Variants in PIP5K1B observed in about 807,000 individuals in gnomAD.
The protein encoded by PIP5K1B is phosphatidylinositol-4-phosphate 5-kinase type 1 beta.
In PIP5K1B, 42 loss-of-function variants were observed where a neutral mutation model predicts 67.0. The ratio of observed to expected loss-of-function variants is 0.63; its 90% CI spans 0.49 to 0.81. The LOEUF is 0.81. Ranked by LOEUF, PIP5K1B falls within the 30% of genes least tolerant of loss-of-function variation. The pLI is 0.00. For synonymous variants in PIP5K1B, 214 were observed against 231.4 expected, an observed-to-expected ratio of 0.92 and a Z score of 0.68; for missense variants, 459 against 646.3, an observed-to-expected ratio of 0.71 and a Z score of 3.14.
chr9:68,714,924 A>G (rs1827561974), intron 1 of PIP5K1B, among the ~76,000 whole-genome samples: 1 of 152,158 alleles, frequency 6.6e-6, no homozygotes, highest in Admixed American at 6.5e-5. Flanking sequence ...CTACTTCCAC[A>G]GTTGCTTATA....
chr9:68,771,014 T>C (rs1009655672), intron 2 of PIP5K1B, among the ~76,000 whole-genome samples: 1 of 152,200 alleles, frequency 6.6e-6, no homozygotes, highest in South Asian at 2.1e-4. Flanking sequence ...TGGTTACTCT[T>C]TCATAGAGAA....
intron 15 of PIP5K1B, among the ~76,000 whole-genome samples, chr9:68,996,789 C>G (rs749048725): frequency 1.3e-5 from 2 of 152,118 alleles, no homozygotes; most frequent in Non-Finnish European, 2.9e-5. Context: ...CTGGGAATGG[C>G]TGGGTAAGTG....
At chr9:68,938,261 G>A (rs1226432345) in intron 13 of PIP5K1B, among the ~76,000 whole-genome samples, 2 of 152,168 alleles carry the variant, frequency 1.3e-5, no homozygotes, top group East Asian at 3.8e-4. Flanking sequence ...CTCAGAACTT[G>A]CTTTATGAAT....
At position 68,793,031 on chromosome 9, in the gene PIP5K1B, A is replaced by AT. The variant is rs1425212976; in HGVS notation, c.-85-25429dup. Among the ~76,000 whole-genome samples the AT allele has an allele frequency of 2.9e-5, 3 of 102,184 alleles. No individual in the cohort carries two copies. In the Admixed American group the frequency reaches 3.4e-4, roughly 12 times the overall value. 67.0% of individuals were successfully genotyped at this position (102,184 alleles called of 152,430 possible). On this transcript the variant is annotated intron_variant, in intron 2 of 15. Transcript: ENST00000265382. ...GGTAGAAGGAGGGGCAGTAACAAAC[A>AT]TAAAAAATAAGTAAATTACTATGTA...
chr9:68,860,446 A>G (rs950553433), intron 4 of PIP5K1B, among the ~76,000 whole-genome samples: 5 of 152,214 alleles, frequency 3.3e-5, no homozygotes, highest in African/African-American at 1.2e-4. Flanking sequence ...AGCTTTACCA[A>G]GAAGTTTACA....
rs1215701394 is a variant in PIP5K1B, at chr9:68,970,988, G to A, written c.1503-20152G>A. ...AAGAACAGCGATTTTTATTATTTAT[G>A]TATTTATTTATTGATTTATTTATTT... On this transcript the variant is annotated intron_variant, in intron 14 of 15. Coordinates refer to ENST00000265382, the MANE Select transcript of PIP5K1B (RefSeq NM_003558.4). Among the ~76,000 whole-genome samples, 10 of 152,074 alleles carry A rather than the reference G, an allele frequency of 6.6e-5. No individual in the cohort carries two copies. In the East Asian group the frequency reaches 7.7e-4, roughly 12 times the overall value.
intron 2 of PIP5K1B, among the ~76,000 whole-genome samples, chr9:68,745,140 C>G (rs541656551): frequency 1.5e-3 from 231 of 152,334 alleles, no homozygotes; most frequent in African/African-American, 5.4e-3. Flanking sequence ...GGTCACAGTG[C>G]CTTCCACATC....
chr9:68,979,354 C>T (rs1829781600), intron 14 of PIP5K1B, among the ~76,000 whole-genome samples: 1 of 152,190 alleles, frequency 6.6e-6, no homozygotes, highest in Non-Finnish European at 1.5e-5. Flanking sequence ...GTAATACAGT[C>T]ATCACAGTAT....
rs189860834 is a variant in PIP5K1B at position 68,731,165 on chromosome 9, C to G, written c.-242-11336C>G. 1.1e-3 allele frequency among the ~76,000 whole-genome samples: 169 copies of G among 152,318 alleles called. 6 individuals are homozygous for G. Among genetic ancestry groups the G allele is most frequent in the Non-Finnish European group, 1.1e-3 (72 of 68,034 alleles). ...CTGCTTCAGAATCTTAGAGGCTGTT[C>G]TAGAACGCTTGATGTCTAAAGCTTG... On this transcript the variant is annotated intron_variant, in intron 1 of 15. Transcript: ENST00000265382.
At chr9:68,902,101 C>T (rs1825393121) in intron 8 of PIP5K1B, among the ~76,000 whole-genome samples, 1 of 152,146 alleles carries the variant, frequency 6.6e-6, no homozygotes. Context: ...TGACGTTTTT[C>T]AGCTTTTTTC....
chr9:68,917,008 G>T (rs1196697443), intron 8 of PIP5K1B, among the ~76,000 whole-genome samples: 1 of 152,184 alleles, frequency 6.6e-6, no homozygotes, highest in East Asian at 1.9e-4. Flanking sequence ...TGCTGAGGAA[G>T]ATACAAGCGT....
intron 14 of PIP5K1B, among the ~76,000 whole-genome samples, chr9:68,971,359 G>A (rs1829358311): frequency 6.6e-6 from 1 of 152,162 alleles, no homozygotes; most frequent in Admixed American, 6.5e-5. Context: ...ATTCCATGGT[G>A]TATATGTACC....
intron 14 of PIP5K1B, among the ~76,000 whole-genome samples, chr9:68,952,965 A>G (rs569636836): frequency 6.6e-6 from 1 of 151,718 alleles, no homozygotes; most frequent in Non-Finnish European, 1.5e-5. Context: ...GTGCAGGTCT[A>G]TTTTCAGCCA....
At chr9:68,877,036 G>A (rs947187317) in intron 6 of PIP5K1B, among the ~76,000 whole-genome samples, 1 of 152,154 alleles carries the variant, frequency 6.6e-6, no homozygotes, top group African/African-American at 2.4e-5. Flanking sequence ...AATATCAGTT[G>A]TGACTTCAGA....
At chr9:68,959,321 T>C (rs1021205733) in intron 14 of PIP5K1B, among the ~76,000 whole-genome samples, 5 of 152,208 alleles carry the variant, frequency 3.3e-5, no homozygotes, top group Admixed American at 6.5e-5. Context: ...TTTTACATTA[T>C]ACATATTTCT....
chr9:68,921,408 G>T (rs1402773919), intron 11 of PIP5K1B, among the ~76,000 whole-genome samples: 1 of 152,118 alleles, frequency 6.6e-6, no homozygotes, highest in East Asian at 1.9e-4. Context: ...TTTCCTTCCA[G>T]CTGAGAAAGG....
chr9:68,923,324 C>G lies in PIP5K1B; in HGVS notation c.1139C>G (p.Pro380Arg). 1.2e-6 allele frequency: 2 copies of G among 1,602,210 alleles called. No individual in the cohort carries two copies. The highest frequency in any genetic ancestry group is 1.7e-6 in the Non-Finnish European group (2 of 1,172,522). The change falls in exon 12 of 16, where the codon CCA becomes CGA. Residue 380 changes from proline (P) to arginine (R), a missense_variant. By Grantham distance (103) the Pro-to-Arg change is moderately radical (BLOSUM62 -2). This residue lies in a region of PIP5K1B where 290 missense variants were observed against 474.4 expected (regional missense o/e 0.61). Coordinates refer to ENST00000265382, the MANE Select transcript of PIP5K1B (RefSeq NM_003558.4). ...YDGDTVSVHR[P>R]SFYADRFLKF... ...CAGGACACTGTTTCTGTTCATAGAC[C>G]AAGCTTTTATGCAGACAGATTTCTT...
intron 6 of PIP5K1B, among the ~76,000 whole-genome samples, chr9:68,886,976 C>T (rs1824509441): frequency 6.6e-6 from 1 of 152,228 alleles, no homozygotes; most frequent in Non-Finnish European, 1.5e-5. Flanking sequence ...CCCACCACAT[C>T]TCAGGCCTTT....
chr9:68,732,619 C>T (rs947347984), intron 1 of PIP5K1B, among the ~76,000 whole-genome samples: 4 of 152,136 alleles, frequency 2.6e-5, no homozygotes, highest in African/African-American at 7.2e-5. Context: ...AAACCAGATA[C>T]GTGGGTCTGG....
Sources: allele counts gnomAD v4.1 joint callset (sites outside exome capture counted in the v4.1 genomes callset), GRCh38; gene constraint gnomAD v4.1.1; regional missense constraint gnomAD v4.1.1; transcripts MANE v1.5; gene names NCBI Gene and HGNC (gene_info 2026-07-23, HGNC 2026-07-21).